STX3: variants seen among roughly 807,000 people sequenced by gnomAD.
STX3 encodes syntaxin-3.
A neutral mutation model predicts 40.2 loss-of-function variants in STX3; 19 were observed. The observed-to-expected ratio is 0.47, with a 90% CI of 0.33 to 0.69. The LOEUF is 0.69. Among genes scored for constraint, STX3 ranks in the 30% least tolerant of loss-of-function variants. STX3 has a pLI of 0.02. For missense variants in STX3, 364 were observed against 366.7 expected (o/e 0.99, Z 0.06); for synonymous variants, 122 against 132.2 (o/e 0.92, Z 0.53).
intron 6 of STX3, among the ~76,000 whole-genome samples, chr11:59,792,575 G>A (rs926857331): frequency 6.6e-6 from 1 of 151,868 alleles, no homozygotes; most frequent in African/African-American, 2.4e-5. Flanking sequence ...ATAAAAGTAT[G>A]GTGTAAGTTG....
chr11:59,760,963 T>C (rs1863000366), intron 1 of STX3, among the ~76,000 whole-genome samples: 1 of 152,228 alleles, frequency 6.6e-6, no homozygotes, highest in Admixed American at 6.5e-5. Flanking sequence ...TGTCTCTTAG[T>C]TGATTAATAA....
intron 10 of STX3, 190 bp from the exon 11 acceptor site, chr11:59,800,665 C>G (rs1865837744): frequency 1.0e-6 from 1 of 985,152 alleles, no homozygotes; most frequent in Non-Finnish European, 1.2e-6. Flanking sequence ...TATTTTTTTC[C>G]CCTCTCACAG....
At position 59,792,077 on chromosome 11, in the gene STX3, G is replaced by C. The variant is rs145125588; in HGVS notation, c.358-30G>C. 1,938 of 1,570,408 alleles carry C rather than the reference G, an allele frequency of 1.2e-3. 17 individuals carry two copies. In the African/African-American group the frequency reaches 0.023, roughly 19 times the overall value. On this transcript the variant is annotated intron_variant, in intron 5 of 10. Coordinates refer to ENST00000337979, the MANE Select transcript of STX3 (RefSeq NM_004177.5). ...TCTATAACAGTTACAGAACCACTGG[G>C]GCCTGACTGCATTTTACATCATCCC...
chr11:59,803,077 A>G lies in STX3; in HGVS notation c.*2253A>G. On this transcript the variant is annotated 3_prime_UTR_variant, in exon 11 of 11. Coordinates refer to ENST00000337979, the MANE Select transcript of STX3 (RefSeq NM_004177.5). Reference sequence around the variant, plus strand: ...TTCTGTTGGCATTCTGGGTCCTAGAAGCCAGATCCATCTCCTTTTTCCTTC... The same window carrying G: ...TTCTGTTGGCATTCTGGGTCCTAGAGGCCAGATCCATCTCCTTTTTCCTTC... 8.1e-7 allele frequency: 1 copy of G among 1,227,280 alleles called. No individual in the cohort carries two copies. The highest frequency in any genetic ancestry group is 1.0e-6 in the Non-Finnish European group (1 of 985,544). The allele number at this position is 1,227,280 out of a possible 1,614,324, so 76.0% of individuals were successfully genotyped here. A position where few individuals can be genotyped will look rare whatever the true frequency, so the allele number is the denominator to read the frequency against.
chr11:59,763,685 G>A (rs527313145), intron 1 of STX3, among the ~76,000 whole-genome samples: 1 of 152,166 alleles, frequency 6.6e-6, no homozygotes, highest in African/African-American at 2.4e-5. Context: ...TAACTCTTGG[G>A]CTAAAGATAA....
At chr11:59,776,785 A>G (rs17154146) in intron 2 of STX3, among the ~76,000 whole-genome samples, 15,819 of 152,236 alleles carry the variant, frequency 0.1, 1,156 homozygotes, top group African/African-American at 0.2. Context: ...GATCGTTGGA[A>G]AAAAAGATTG....
intron 10 of STX3, 51 bp from the exon 11 acceptor site, chr11:59,800,804 C>G: frequency 6.5e-7 from 1 of 1,535,776 alleles, no homozygotes; most frequent in South Asian, 1.2e-5. Context: ...TTCTGTTGCC[C>G]TTTGCCTTCT....
chr11:59,799,741 T>G, intron 10 of STX3: 1 of 985,434 alleles, frequency 1.0e-6, no homozygotes, highest in Non-Finnish European at 1.2e-6. Flanking sequence ...TATTACAGCA[T>G]TGAGCATTCA....
chr11:59,771,167 A>G (rs75964562), intron 1 of STX3, among the ~76,000 whole-genome samples: 14,282 of 150,088 alleles, frequency 0.095, 920 homozygotes, highest in African/African-American at 0.18. Flanking sequence ...GCTCAGAGCT[A>G]TAATCCCAGC....
At chr11:59,793,539 G>T in intron 8 of STX3, 25 bp downstream of exon 8, 15 of 1,603,540 alleles carry the variant, frequency 9.4e-6, no homozygotes, top group Non-Finnish European at 1.3e-5. Flanking sequence ...GTCCCAGCGT[G>T]GGGAGGGAGG....
In STX3 at chr11:59,802,679, T is replaced by G. The variant is rs1373226391; in HGVS notation, c.*1855T>G. 3.0e-6 allele frequency: 3 copies of G among 985,668 alleles called. No individual in the cohort carries two copies. The African/African-American group carries it at 5.2e-5, about 17-fold the overall frequency. 61.1% of individuals were successfully genotyped at this position (985,668 alleles called of 1,614,324 possible). On this transcript the variant is annotated 3_prime_UTR_variant, in exon 11 of 11. Transcript: ENST00000337979. ...GATTATTTTATTGCTAATTTAAAAA[T>G]AAAAATGACTTTGTATTGATTGTGA...
chr11:59,798,702 T>C (rs1220262122), intron 10 of STX3, among the ~76,000 whole-genome samples: 1 of 151,734 alleles, frequency 6.6e-6, no homozygotes, highest in East Asian at 1.9e-4. Flanking sequence ...GTATTTTTAG[T>C]AGAGACGAGG....
intron 2 of STX3, among the ~76,000 whole-genome samples, chr11:59,773,982 A>C (rs879772160): frequency 0.049 from 7,235 of 146,826 alleles, 210 homozygotes; most frequent in African/African-American, 0.068. Context: ...ACACACAAAA[A>C]AAAAAAAAAA....
At chr11:59,754,332 A>G (rs77569053), upstream of STX3, 508 of 152,432 alleles carry the variant, frequency 3.3e-3, 5 homozygotes, top group African/African-American at 0.011. Context: ...TTCAGATGGC[A>G]GAAGAGGGCA....
intron 10 of STX3, chr11:59,800,608 G>A: frequency 1.0e-6 from 1 of 985,410 alleles, no homozygotes; most frequent in Non-Finnish European, 1.2e-6. Flanking sequence ...CCTTCCATGG[G>A]TGTGGACAGC....
chr11:59,773,400 A>C lies in STX3; in HGVS notation c.114+106A>C, dbSNP rs1373753108. On this transcript the variant is annotated intron_variant, in intron 2 of 10. Transcript: ENST00000337979. ...TTTCAGGGTAGCAGAGGAAGGTCAC[A>C]GTTTTTTGCTAGGGTGGGATGGCCA... is the stretch of plus-strand genomic sequence containing the variant. The C allele has an allele frequency of 4.5e-6, 5 of 1,113,054 alleles. No individual in the cohort carries two copies. The Admixed American group carries it at 8.6e-5, about 19-fold the overall frequency. The allele number at this position is 1,113,054 out of a possible 1,614,324, so 68.9% of individuals were successfully genotyped here.
In STX3 at chr11:59,788,945, A is replaced by G. The variant is rs767658434; in HGVS notation, c.287A>G (p.Lys96Arg). 2.4e-5 allele frequency: 38 copies of G among 1,608,068 alleles called. No homozygotes were observed. Among genetic ancestry groups the G allele is most frequent in the Non-Finnish European group, 3.2e-5 (38 of 1,176,902 alleles). ...KRANNVRNKLKSMEKHIEEDE... is the reference protein window; with the variant it reads ...KRANNVRNKLRSMEKHIEEDE... The stretch of plus-strand genomic sequence containing the variant: ...GCCAACAACGTCCGGAACAAACTGA[A>G]GAGTAAGAAGGGAACAAAGAAAACA... The change falls in exon 4 of 11, where the codon AAG becomes AGG. Residue 96 changes from lysine to arginine, a missense_variant and splice_region_variant. Coordinates refer to ENST00000337979, the MANE Select transcript of STX3 (RefSeq NM_004177.5).
chr11:59,788,794 T>G, intron 3 of STX3, 79 bp from the exon 4 acceptor site: 1 of 1,264,076 alleles, frequency 7.9e-7, no homozygotes, highest in East Asian at 2.4e-5. Flanking sequence ...GCTCCCCTCC[T>G]CTGATGATGA....
intron 1 of STX3, among the ~76,000 whole-genome samples, chr11:59,757,121 C>T (rs183479590): frequency 1.3e-5 from 2 of 152,100 alleles, no homozygotes; most frequent in African/African-American, 4.8e-5. Flanking sequence ...GAATTTATTG[C>T]CCCTGTTTTT....
Sources: allele counts gnomAD v4.1 joint callset (sites outside exome capture counted in the v4.1 genomes callset), GRCh38; gene constraint gnomAD v4.1.1; transcripts MANE v1.5; gene names NCBI Gene and HGNC (gene_info 2026-07-23, HGNC 2026-07-21).